The following ITPR2 variants were observed in gnomAD, a reference collection of about 807,000 sequenced individuals.
The protein encoded by ITPR2 is inositol 1,4,5-trisphosphate receptor type 2, also known as inositol 1,4,5-trisphosphate-gated calcium channel ITPR2.
ITPR2 carries 207 observed loss-of-function variants against 317.1 expected under a neutral mutation model. The ratio of observed to expected loss-of-function variants is 0.65; its 90% confidence interval spans 0.58 to 0.73. The LOEUF (loss-of-function observed/expected upper bound fraction) is 0.73. Ranked by LOEUF, ITPR2 falls within the 30% of genes least tolerant of loss-of-function variation. ITPR2 has a pLI of 0.00. For synonymous variants in ITPR2, 1,156 were observed against 1,149.1 expected, an observed-to-expected ratio of 1.01 and a Z score of -0.12; for missense variants, 2,613 against 3,284.0, an observed-to-expected ratio of 0.80 and a Z score of 4.99.
At chr12:26,569,515 A>C (rs1945099495) in intron 34 of ITPR2, among the ~76,000 whole-genome samples, 1 of 150,768 alleles carries the variant, frequency 6.6e-6, no homozygotes, top group Admixed American at 6.6e-5. Context: ...TGTTCATGCC[A>C]CTGCACTCCA....
intron 13 of ITPR2, among the ~76,000 whole-genome samples, chr12:26,679,807 A>G (rs1243480268): frequency 1.3e-5 from 2 of 151,970 alleles, no homozygotes; most frequent in African/African-American, 2.4e-5. Context: ...AACGGGATCA[A>G]CCTCCTCCTC....
chr12:26,379,540 G>T (rs751653644), intron 55 of ITPR2, among the ~76,000 whole-genome samples: 2 of 152,134 alleles, frequency 1.3e-5, no homozygotes, highest in Non-Finnish European at 2.9e-5. Flanking sequence ...TGGCTGTACT[G>T]CAATATCTCC....
chr12:26,611,017 C>G (rs1057344313), intron 26 of ITPR2, among the ~76,000 whole-genome samples: 10 of 152,216 alleles, frequency 6.6e-5, no homozygotes, highest in Non-Finnish European at 1.0e-4. Flanking sequence ...CCCCGCAACA[C>G]CACAGTAACT....
intron 2 of ITPR2, among the ~76,000 whole-genome samples, chr12:26,745,429 A>C (rs912422871): frequency 6.6e-6 from 1 of 152,226 alleles, no homozygotes; most frequent in African/African-American, 2.4e-5. Flanking sequence ...TATTCTAACA[A>C]TCCGATTACA....
At chr12:26,781,990 CTGTATATATATATATATA>C (rs1950086557) in intron 2 of ITPR2, among the ~76,000 whole-genome samples, 1 of 60,318 alleles carries the variant, frequency 1.7e-5, no homozygotes, top group African/African-American at 6.7e-5. Flanking sequence ...ATAAACTCCC[CTGTATATATATATATATA>C]TATATATATA....
At chr12:26,432,899 C>T (rs1941250675) in intron 48 of ITPR2, among the ~76,000 whole-genome samples, 1 of 151,998 alleles carries the variant, frequency 6.6e-6, no homozygotes, top group Non-Finnish European at 1.5e-5. Flanking sequence ...TTAATCTCAC[C>T]CACCTCTAAA....
chr12:26,552,557 C>A (rs1401334572), intron 36 of ITPR2, among the ~76,000 whole-genome samples: 1 of 152,110 alleles, frequency 6.6e-6, no homozygotes, highest in African/African-American at 2.4e-5. Context: ...ACACTGATGT[C>A]CTTTTAGACA....
intron 55 of ITPR2, among the ~76,000 whole-genome samples, chr12:26,370,969 G>A (rs534634928): frequency 3.3e-5 from 5 of 152,264 alleles, no homozygotes; most frequent in East Asian, 1.9e-4. Context: ...CACTGCGTCC[G>A]GCCAAACACG....
At chr12:26,508,417 C>T (rs1013417972) in intron 37 of ITPR2, among the ~76,000 whole-genome samples, 1 of 152,108 alleles carries the variant, frequency 6.6e-6, no homozygotes, top group East Asian at 1.9e-4. Flanking sequence ...CCTTTGCAAT[C>T]GAACAGTTAT....
At chr12:26,520,039 G>A (rs1943622530) in intron 37 of ITPR2, among the ~76,000 whole-genome samples, 1 of 152,162 alleles carries the variant, frequency 6.6e-6, no homozygotes, top group Admixed American at 6.5e-5. Flanking sequence ...CGGTGCAAGG[G>A]CAATGAAGGT....
chr12:26,374,801 T>G (rs1939289768), intron 55 of ITPR2, among the ~76,000 whole-genome samples: 1 of 152,220 alleles, frequency 6.6e-6, no homozygotes, highest in South Asian at 2.1e-4. Flanking sequence ...AGTAGCTGAC[T>G]CCACTAACCT....
At chr12:26,606,207 G>A (rs1946124882) in intron 26 of ITPR2, among the ~76,000 whole-genome samples, 1 of 151,282 alleles carries the variant, frequency 6.6e-6, no homozygotes, top group Non-Finnish European at 1.5e-5. Flanking sequence ...AAAAAAGTGT[G>A]ACACTTAGAA....
At chr12:26,473,096 A>G (rs1942333070) in intron 45 of ITPR2, among the ~76,000 whole-genome samples, 1 of 152,150 alleles carries the variant, frequency 6.6e-6, no homozygotes, top group Non-Finnish European at 1.5e-5. Flanking sequence ...CATGTTAGCC[A>G]GGCTGCTCTT....
At chr12:26,566,281 G>A (rs1330680953) in intron 34 of ITPR2, among the ~76,000 whole-genome samples, 2 of 137,100 alleles carry the variant, frequency 1.5e-5, no homozygotes, top group African/African-American at 2.7e-5. Context: ...GAGAGGAGAG[G>A]AGAAGGGAGG....
At chr12:26,375,250 G>A (rs1036863323) in intron 55 of ITPR2, among the ~76,000 whole-genome samples, 1 of 152,176 alleles carries the variant, frequency 6.6e-6, no homozygotes, top group African/African-American at 2.4e-5. Flanking sequence ...CTTCAGCACA[G>A]CAGGAGGAAA....
intron 55 of ITPR2, among the ~76,000 whole-genome samples, chr12:26,344,388 C>A (rs1022910679): frequency 6.6e-6 from 1 of 151,942 alleles, no homozygotes; most frequent in African/African-American, 2.4e-5. Flanking sequence ...TAAGAAGGTA[C>A]CAGGAATGTG....
Position 26,655,811 on chromosome 12 carries a change from C to T in ITPR2, c.2486G>A (p.Arg829Lys), listed in dbSNP as rs898068268. 6.2e-7 allele frequency: 1 copy of T among 1,612,016 alleles called. No individual in the cohort carries two copies. Among genetic ancestry groups the T allele is most frequent in the African/African-American group, 1.3e-5 (1 of 74,972 alleles). ...ITDSSRNDMK[R>K]KFALTMEFVE... ...AAATTCCATTGTCAGGGCAAATTTC[C>T]TCTTCATATCATTTCTGGAAGAGTC... The change falls in exon 20 of 57, where the codon AGG (arginine) becomes AAG (lysine). Residue 829 changes from arginine to lysine, a missense_variant. Arg to Lys is a conservative substitution (Grantham distance 26). Transcript: ENST00000381340.
chr12:26,805,386 A>G (rs970448642), intron 1 of ITPR2, among the ~76,000 whole-genome samples: 2 of 152,232 alleles, frequency 1.3e-5, no homozygotes, highest in Non-Finnish European at 2.9e-5. Context: ...AATGTTATTT[A>G]TTCAACACCT....
At chr12:26,677,819 T>C (rs997552142) in intron 13 of ITPR2, among the ~76,000 whole-genome samples, 4 of 152,184 alleles carry the variant, frequency 2.6e-5, no homozygotes, top group African/African-American at 7.2e-5. Flanking sequence ...GGTGTCAGGA[T>C]AGTCATACCT....
Sources: allele counts gnomAD v4.1 joint callset (sites outside exome capture counted in the v4.1 genomes callset), GRCh38; gene constraint gnomAD v4.1.1; transcripts MANE v1.5; gene names NCBI Gene and HGNC (gene_info 2026-07-23, HGNC 2026-07-21).